Variants in RIPK1 observed in about 807,000 individuals in gnomAD.
The protein encoded by RIPK1 is receptor-interacting serine/threonine-protein kinase 1.
Under a neutral mutation model 62.4 loss-of-function variants are expected in RIPK1, and 27 were observed. The observed-to-expected ratio is 0.43, with a 90% CI of 0.32 to 0.60. RIPK1 has a LOEUF of 0.60. Among genes scored for constraint, RIPK1 ranks in the 20% least tolerant of loss-of-function variants. The probability of loss-of-function intolerance (pLI) is 0.07; values close to 1 mark genes in which losing one functional copy is unlikely to be tolerated. For synonymous variants in RIPK1, 287 were observed against 303.2 expected (o/e 0.95, Z 0.55); for missense variants, 735 against 831.0 (o/e 0.88, Z 1.42).
In RIPK1 at chr6:3,113,178, T is replaced by C; in HGVS notation, c.1855T>C (p.Tyr619His). 6.2e-7 allele frequency: 1 copy of C among 1,613,980 alleles called. No individual in the cohort carries two copies. The highest frequency in any genetic ancestry group is 1.1e-5 in the South Asian group (1 of 91,034). Residue 619 changes from tyrosine to histidine, a missense_variant, in exon 11 of 11, where the codon TAT becomes CAT. Coordinates refer to ENST00000259808, the MANE Select transcript of RIPK1 (RefSeq NM_001354930.2). The surrounding 1 kb of genome is among the most constrained non-coding windows in gnomAD (Gnocchi z 5.0). The stretch of plus-strand genomic sequence containing the variant: ...TCAGATTGATGAAATTGACCATGAC[T>C]ATGAGCGAGATGGACTGAAAGAAAA... ...QSQIDEIDHDYERDGLKEKVY... is the reference protein window; with the variant it reads ...QSQIDEIDHDHERDGLKEKVY...
At chr6:3,068,225 G>T (rs145508521), upstream of RIPK1, 37 of 985,486 alleles carry the variant, frequency 3.8e-5, no homozygotes, top group African/African-American at 6.3e-4. Context: ...CTAACCCGCA[G>T]AGCTCTGAAT....
intron 9 of RIPK1, among the ~76,000 whole-genome samples, chr6:3,107,327 T>G (rs1008142229): frequency 1.5e-5 from 2 of 129,836 alleles, no homozygotes; most frequent in African/African-American, 3.0e-5. Flanking sequence ...GAGGCCGAGG[T>G]GGGAAGATCA....
At chr6:3,094,455 AAAAT>A (rs1437558567) in intron 7 of RIPK1, among the ~76,000 whole-genome samples, 30 of 152,258 alleles carry the variant, frequency 2.0e-4, no homozygotes, top group African/African-American at 7.0e-4. Flanking sequence ...TGGATCAAAA[AAAAT>A]AAATCACAAT....
At position 3,072,885 on chromosome 6, in the gene RIPK1, A is replaced by C. The variant is rs1758807314; in HGVS notation, c.-60-3879A>C. 6.7e-6 allele frequency among the ~76,000 whole-genome samples: 1 copy of C among 148,298 alleles called. No individual in the cohort carries two copies. The highest frequency in any genetic ancestry group is 6.6e-5 in the Admixed American group (1 of 15,228). On this transcript the variant is annotated intron_variant, in intron 1 of 10. Transcript: ENST00000259808. The surrounding 1 kb of genome is among the most constrained non-coding windows in gnomAD (Gnocchi z 5.6). ...TGAATGAAAAAGGAGGCCTAAAATC[A>C]ATGTTATCTTTTATGCCCTCTGTCT...
At chr6:3,080,090 C>T (rs2064310) in intron 3 of RIPK1, among the ~76,000 whole-genome samples, 2 of 152,164 alleles carry the variant, frequency 1.3e-5, no homozygotes, top group African/African-American at 2.4e-5. Context: ...ATCTTTTCTG[C>T]TACTTTCTGT....
At chr6:3,065,058 C>T (rs1337811958), upstream of RIPK1, among the ~76,000 whole-genome samples, 1 of 151,768 alleles carries the variant, frequency 6.6e-6, no homozygotes, top group African/African-American at 2.4e-5. Context: ...CTGGCTAACA[C>T]TGTGAAACCC....
At chr6:3,108,543 T>C (rs1284608808) in intron 9 of RIPK1, among the ~76,000 whole-genome samples, 1 of 152,104 alleles carries the variant, frequency 6.6e-6, no homozygotes, top group Non-Finnish European at 1.5e-5. Context: ...ACGGTGTCAG[T>C]GTAAGCTGGA....
At chr6:3,067,964 G>A (rs1292742527), upstream of RIPK1, 2 of 152,748 alleles carry the variant, frequency 1.3e-5, no homozygotes, top group Non-Finnish European at 2.9e-5. Context: ...GGCTGGTCTC[G>A]AACTGCTGAC....
At chr6:3,088,200 G>A (rs766704389) in intron 6 of RIPK1, among the ~76,000 whole-genome samples, 1 of 152,144 alleles carries the variant, frequency 6.6e-6, no homozygotes, top group African/African-American at 2.4e-5. Flanking sequence ...AAGAGTGGTG[G>A]CCACCTTATT....
At chr6:3,068,346 G>A, upstream of RIPK1, 1 of 985,388 alleles carries the variant, frequency 1.0e-6, no homozygotes, top group Non-Finnish European at 1.2e-6. Flanking sequence ...CGCCCCACTC[G>A]CTTGAAAACA....
chr6:3,081,864 A>T (rs1759403473), intron 4 of RIPK1, among the ~76,000 whole-genome samples: 1 of 1,324 alleles, frequency 7.6e-4, no homozygotes, highest in African/African-American at 2.0e-3. Flanking sequence ...CTGCCTTAAA[A>T]AAAAAAAAAA....
intron 9 of RIPK1, among the ~76,000 whole-genome samples, chr6:3,108,535 G>A (rs768463964): frequency 2.6e-5 from 4 of 152,156 alleles, no homozygotes; most frequent in African/African-American, 4.8e-5. Flanking sequence ...TGACGAACAC[G>A]GTGTCAGTGT....
Position 3,105,341 on chromosome 6 carries a change from C to A in RIPK1, c.1007-141C>A. 1 of 623,656 alleles carries A rather than the reference C, an allele frequency of 1.6e-6. No homozygotes were observed. The highest frequency in any genetic ancestry group is 2.8e-6 in the Non-Finnish European group (1 of 356,550). 38.6% of individuals were successfully genotyped at this position (623,656 alleles called of 1,614,324 possible). On this transcript the variant is annotated intron_variant, in intron 8 of 10. Coordinates refer to ENST00000259808, the MANE Select transcript of RIPK1 (RefSeq NM_001354930.2). The surrounding 1 kb of genome is among the most constrained non-coding windows in gnomAD (Gnocchi z 4.5). The stretch of plus-strand genomic sequence containing the variant: ...TTTGTAAAGCTTGTGGGAAGAGGAC[C>A]ATCTCCTAAATGCTTTGGACTGGTC...
At chr6:3,110,610 T>C (rs1195254933) in intron 9 of RIPK1, among the ~76,000 whole-genome samples, 193 bp from the exon 10 acceptor site, 3 of 151,428 alleles carry the variant, frequency 2.0e-5, no homozygotes, top group Non-Finnish European at 4.4e-5. Flanking sequence ...GTTATTTCTT[T>C]TTTTTTTTTT....
intron 2 of RIPK1, 103 bp downstream of exon 2, chr6:3,077,090 A>G (rs1759108436): frequency 9.2e-7 from 1 of 1,083,032 alleles, no homozygotes; most frequent in Non-Finnish European, 1.3e-6. Flanking sequence ...GGGTAGAGTG[A>G]GAGGGAGCCT....
intron 1 of RIPK1, among the ~76,000 whole-genome samples, chr6:3,071,660 A>G (rs570635801): frequency 1.3e-5 from 2 of 152,308 alleles, no homozygotes; most frequent in East Asian, 3.9e-4. Flanking sequence ...GGATAGGAAA[A>G]ACAAAAGAAA....
chr6:3,086,686 C>CT (rs1561758199), intron 6 of RIPK1, among the ~76,000 whole-genome samples: 7 of 152,114 alleles, frequency 4.6e-5, no homozygotes, highest in Admixed American at 6.5e-5. Context: ...CAAGACACAC[C>CT]GCATTCCAGT....
intron 7 of RIPK1, among the ~76,000 whole-genome samples, chr6:3,098,783 G>T (rs759659850): frequency 1.2e-4 from 19 of 152,228 alleles, no homozygotes; most frequent in Non-Finnish European, 2.4e-4. Flanking sequence ...GGAGATTGGG[G>T]TGCAAGGAAG....
At chr6:3,081,546 A>G (rs1214118907) in intron 4 of RIPK1, among the ~76,000 whole-genome samples, 3 of 152,142 alleles carry the variant, frequency 2.0e-5, no homozygotes, top group Non-Finnish European at 4.4e-5. Flanking sequence ...GAAAATCCTT[A>G]GAGTTCAGAT....
Sources: gnomAD v4.1 joint callset for allele counts (sites outside exome capture counted in the v4.1 genomes callset) on GRCh38, gnomAD v4.1.1 for gene constraint, Gnocchi (gnomAD v3.1) non-coding constraint, MANE v1.5 for transcripts, NCBI Gene and HGNC (gene_info 2026-07-23, HGNC 2026-07-21) for gene names.